The following NAV2 variants were observed in gnomAD, a reference collection of about 807,000 sequenced individuals.
NAV2 encodes helicase, APC down-regulated 1.
NAV2 carries 54 observed loss-of-function variants against 223.2 expected under a neutral mutation model. The observed-to-expected ratio is 0.24, with a 90% confidence interval of 0.19 to 0.30. NAV2 has a LOEUF of 0.30. NAV2 is among the 10% of genes least tolerant of loss of function. NAV2 has a pLI of 1.00. For missense variants in NAV2, 2,806 were observed against 3,147.5 expected (o/e 0.89, Z 2.60); for synonymous variants, 1,279 against 1,239.3 (o/e 1.03, Z -0.67).
At chr11:20,006,267 T>G (rs901807635) in intron 11 of NAV2, among the ~76,000 whole-genome samples, 3 of 152,150 alleles carry the variant, frequency 2.0e-5, no homozygotes, top group Admixed American at 1.3e-4. Context: ...ATTCTGGAGA[T>G]AAGGGCCTCC....
At chr11:20,065,827 A>G (rs1184429019) in intron 20 of NAV2, among the ~76,000 whole-genome samples, 2 of 152,226 alleles carry the variant, frequency 1.3e-5, no homozygotes, top group Non-Finnish European at 1.5e-5. Context: ...TAAATGTTAG[A>G]TAGTGGTTAC....
chr11:19,805,511 G>A lies in NAV2; in HGVS notation c.268-26973G>A, dbSNP rs200105591. Reference sequence around the variant, plus strand: ...AGTGCCAGTATTGATGGTATTTGCAGCTGTCCTCTGGGAGATGGACTCAGA... The same window carrying A: ...AGTGCCAGTATTGATGGTATTTGCAACTGTCCTCTGGGAGATGGACTCAGA... On this transcript the variant is annotated intron_variant, in intron 1 of 37. Transcript: ENST00000349880. Among the ~76,000 whole-genome samples the A allele has an allele frequency of 2.6e-5, 4 of 152,276 alleles. No homozygotes were observed. In the East Asian group the frequency reaches 7.7e-4, roughly 29 times the overall value.
intron 22 of NAV2, 98 bp from the exon 23 acceptor site, chr11:20,077,454 C>G: frequency 1.1e-6 from 1 of 881,930 alleles, no homozygotes; most frequent in Non-Finnish European, 1.9e-6. Flanking sequence ...TAGCCTAGAT[C>G]AATGGACCCA....
Position 20,118,173 on chromosome 11 carries a change from C to G in NAV2, c.7205C>G (p.Ser2402Cys), listed in dbSNP as rs1053349904. ...LMRLQEAANY[S>C]SPQSYDSDSN... ...AGGCTGCAGGAGGCAGCCAACTACT[C>G]CAGCCCCCAGAGCTATGACAGCGAC... Residue 2402 changes from serine (S) to cysteine (C), a missense_variant, in exon 38 of 38, where the codon TCC becomes TGC. Physicochemically the swap from Ser to Cys is moderately radical, Grantham distance 112. This residue lies in a region of NAV2 where 824 missense variants were observed against 1,069.4 expected (regional missense o/e 0.77). Coordinates refer to ENST00000349880, the MANE Select transcript of NAV2 (RefSeq NM_145117.5). 4.3e-6 allele frequency: 7 copies of G among 1,614,000 alleles called. No individual in the cohort carries two copies. In the Admixed American group the frequency reaches 8.3e-5, roughly 19 times the overall value.
At chr11:19,616,374 CT>C (rs2046793868) in intron 1 of NAV2, among the ~76,000 whole-genome samples, 1 of 151,530 alleles carries the variant, frequency 6.6e-6, no homozygotes, top group African/African-American at 2.4e-5. Flanking sequence ...CTGGCCTCCC[CT>C]ATGTGTGTGT....
chr11:19,800,908 T>G (rs998258982), intron 1 of NAV2, among the ~76,000 whole-genome samples: 4 of 152,176 alleles, frequency 2.6e-5, no homozygotes, highest in African/African-American at 9.7e-5. Flanking sequence ...AGACAAGGCA[T>G]GAGGCCAAAT....
At chr11:19,696,710 C>G (rs982243328) in intron 1 of NAV2, among the ~76,000 whole-genome samples, 1 of 152,204 alleles carries the variant, frequency 6.6e-6, no homozygotes, top group Non-Finnish European at 1.5e-5. Context: ...TTCATCCACT[C>G]AAAAACTATT....
chr11:19,702,511 A>T (rs115151792), intron 1 of NAV2, among the ~76,000 whole-genome samples: 2 of 152,170 alleles, frequency 1.3e-5, no homozygotes, highest in Non-Finnish European at 2.9e-5. Flanking sequence ...GAGGCCAAGC[A>T]CACACACCTG....
chr11:19,398,698 A>G (rs917431491), intron 1 of NAV2, among the ~76,000 whole-genome samples: 9 of 152,138 alleles, frequency 5.9e-5, no homozygotes, highest in African/African-American at 2.2e-4. Flanking sequence ...TCTGACTCTC[A>G]GTTCTTGCTC....
At chr11:19,448,644 G>A (rs1851676246) in intron 1 of NAV2, among the ~76,000 whole-genome samples, 1 of 152,230 alleles carries the variant, frequency 6.6e-6, no homozygotes, top group African/African-American at 2.4e-5. Flanking sequence ...CTTGAGTTAA[G>A]TTCCCTAACC....
chr11:19,890,268 C>T (rs919559618), intron 5 of NAV2, among the ~76,000 whole-genome samples: 34 of 152,154 alleles, frequency 2.2e-4, no homozygotes, highest in African/African-American at 7.7e-4. Flanking sequence ...ATCCATTACA[C>T]CATGCTGCCT....
At chr11:19,866,810 C>T (rs924168372) in intron 3 of NAV2, among the ~76,000 whole-genome samples, 4 of 152,030 alleles carry the variant, frequency 2.6e-5, no homozygotes, top group Non-Finnish European at 5.9e-5. Flanking sequence ...GAATAAATAT[C>T]GAGTGTACTA....
chr11:19,394,166 C>T (rs1190013331), intron 1 of NAV2, among the ~76,000 whole-genome samples: 1 of 152,140 alleles, frequency 6.6e-6, no homozygotes, highest in Admixed American at 6.5e-5. Context: ...AGGAAAGTCA[C>T]TGAGTCTCCT....
intron 3 of NAV2, among the ~76,000 whole-genome samples, chr11:19,856,749 TTCTAGCCATCATCA>T (rs1218804830): frequency 6.6e-6 from 1 of 151,812 alleles, no homozygotes; most frequent in Non-Finnish European, 1.5e-5. Context: ...ATGGCCTTCA[TTCTAGCCATCATCA>T]GAGTAGGTGA....
chr11:19,717,602 C>T (rs1415353970), intron 1 of NAV2, among the ~76,000 whole-genome samples: 1 of 152,208 alleles, frequency 6.6e-6, no homozygotes, highest in African/African-American at 2.4e-5. Flanking sequence ...GACATCTTCC[C>T]TTTCAAAAGG....
chr11:19,612,968 A>G (rs1209771878), intron 1 of NAV2, among the ~76,000 whole-genome samples: 1 of 152,214 alleles, frequency 6.6e-6, no homozygotes, highest in African/African-American at 2.4e-5. Context: ...ATAGTTCCAT[A>G]TGGGTGGGGA....
chr11:19,376,180 G>A (rs12282784), intron 1 of NAV2, among the ~76,000 whole-genome samples: 1 of 152,274 alleles, frequency 6.6e-6, no homozygotes, highest in South Asian at 2.1e-4. Context: ...ATTTTCTGTA[G>A]TTACTTCCTG....
intron 1 of NAV2, among the ~76,000 whole-genome samples, chr11:19,528,498 G>A (rs2043914371): frequency 6.6e-6 from 1 of 152,162 alleles, no homozygotes; most frequent in African/African-American, 2.4e-5. Flanking sequence ...TCACCTCACT[G>A]CCAAAACAGG....
intron 23 of NAV2, 41 bp from the exon 24 acceptor site, chr11:20,077,952 G>T: frequency 1.3e-6 from 2 of 1,512,338 alleles, no homozygotes; most frequent in Non-Finnish European, 1.8e-6. Flanking sequence ...ACTCTGTACA[G>T]AATGATTTTA....
Sources: allele counts gnomAD v4.1 joint callset (sites outside exome capture counted in the v4.1 genomes callset), GRCh38; gene constraint gnomAD v4.1.1; regional missense constraint gnomAD v4.1.1; transcripts MANE v1.5; gene names NCBI Gene and HGNC (gene_info 2026-07-23, HGNC 2026-07-21).